Variants in CDH11 observed in about 807,000 individuals in gnomAD.
The protein encoded by CDH11 is cadherin-11.
In CDH11, 11 loss-of-function variants were observed where a neutral mutation model predicts 67.8. The observed-to-expected ratio is 0.16, with a 90% CI of 0.10 to 0.27. The LOEUF is 0.27. Among genes scored for constraint, CDH11 ranks in the 10% least tolerant of loss-of-function variants. The pLI is 1.00. For synonymous variants in CDH11, 419 were observed against 400.0 expected (o/e 1.05, Z -0.57); for missense variants, 847 against 1,031.2 (o/e 0.82, Z 2.45).
intron 1 of CDH11, among the ~76,000 whole-genome samples, chr16:65,074,460 C>T (rs2074473009): frequency 6.6e-6 from 1 of 152,130 alleles, no homozygotes; most frequent in Non-Finnish European, 1.5e-5. Flanking sequence ...GAATGTGATC[C>T]TAGTAGTGCC....
At position 64,945,845 on chromosome 16, in the gene CDH11, G is replaced by A. The variant is rs915578896; in HGVS notation, c.*1758C>T. On this transcript the variant is annotated 3_prime_UTR_variant, in exon 13 of 13. Transcript: ENST00000268603. ...GAAACAAACTTTCACAATAAAGTCA[G>A]AAAAAAACTGTAAAAATTGTCTGCA... 1 of 1,052,806 alleles carries A rather than the reference G, an allele frequency of 9.5e-7. No homozygotes were observed. Among genetic ancestry groups the A allele is most frequent in the South Asian group, 4.6e-5 (1 of 21,888 alleles). The allele number at this position is 1,052,806 out of a possible 1,614,324, so 65.2% of individuals were successfully genotyped here. A position where few individuals can be genotyped will look rare whatever the true frequency, so the allele number is the denominator to read the frequency against.
chr16:65,116,190 T>G (rs1348801760), intron 1 of CDH11, among the ~76,000 whole-genome samples: 1 of 152,202 alleles, frequency 6.6e-6, no homozygotes, highest in Non-Finnish European at 1.5e-5. Context: ...AGGGTAGGTG[T>G]GAAGCAATTT....
At chr16:65,098,698 C>T (rs2074940059) in intron 1 of CDH11, among the ~76,000 whole-genome samples, 1 of 152,142 alleles carries the variant, frequency 6.6e-6, no homozygotes, top group African/African-American at 2.4e-5. Context: ...CCCGTAGCAT[C>T]TCCTATTGGG....
intron 8 of CDH11, among the ~76,000 whole-genome samples, chr16:64,978,371 T>C (rs1040814650): frequency 1.3e-5 from 2 of 152,196 alleles, no homozygotes; most frequent in African/African-American, 4.8e-5. Context: ...TGTGCAGAAA[T>C]TAGAATCTCT....
Position 64,998,680 on chromosome 16 carries a change from G to T in CDH11, c.405C>A (p.Thr135=), listed in dbSNP as rs766587310. The T allele has an allele frequency of 1.2e-6, 2 of 1,613,890 alleles. No individual in the cohort carries two copies. The highest frequency in any genetic ancestry group is 4.5e-5 in the East Asian group (2 of 44,864). ...CCGACGGTGGCTCCAGTGGCCGATT[G>T]GTGTCCCTGTCCACCGCCTGAGCCA... ...TLMAQAVDRD[T]NRPLEPPSEF... The change falls in exon 4 of 13, where the codon ACC becomes ACA. Residue 135 remains threonine (T), a synonymous_variant. Coordinates refer to ENST00000268603, the MANE Select transcript of CDH11 (RefSeq NM_001797.4).
At chr16:65,042,820 T>C (rs2073888697) in intron 2 of CDH11, among the ~76,000 whole-genome samples, 1 of 152,160 alleles carries the variant, frequency 6.6e-6, no homozygotes, top group Non-Finnish European at 1.5e-5. Context: ...GAATCCTCCC[T>C]CTCCAAATCT....
At chr16:65,108,704 CAT>C (rs1274765441) in intron 1 of CDH11, among the ~76,000 whole-genome samples, 1 of 151,656 alleles carries the variant, frequency 6.6e-6, no homozygotes, top group Non-Finnish European at 1.5e-5. Flanking sequence ...AACTTTTAAA[CAT>C]GTGGCTTTAA....
chr16:65,074,838 G>T (rs939711981), intron 1 of CDH11, among the ~76,000 whole-genome samples: 1 of 152,116 alleles, frequency 6.6e-6, no homozygotes, highest in African/African-American at 2.4e-5. Flanking sequence ...TTATTATACA[G>T]AACAATGCAA....
intron 1 of CDH11, among the ~76,000 whole-genome samples, chr16:65,060,354 T>TAG (rs199842037): frequency 0.056 from 8,103 of 144,980 alleles, 329 homozygotes; most frequent in African/African-American, 0.11. Context: ...TATATATATA[T>TAG]AGAGAGAGAG....
chr16:64,965,536 CT>C (rs2071796657), intron 11 of CDH11, among the ~76,000 whole-genome samples: 1 of 152,106 alleles, frequency 6.6e-6, no homozygotes, highest in African/African-American at 2.4e-5. Flanking sequence ...GAGCTGTTGT[CT>C]TCTATGGTAA....
At chr16:65,037,652 C>A (rs1480440178) in intron 2 of CDH11, among the ~76,000 whole-genome samples, 1 of 152,184 alleles carries the variant, frequency 6.6e-6, no homozygotes, top group Non-Finnish European at 1.5e-5. Context: ...ATCAAAGACA[C>A]CTGCTTCTGA....
At chr16:65,006,767 G>A (rs1420537922) in intron 2 of CDH11, 2 of 152,228 alleles carry the variant, frequency 1.3e-5, no homozygotes, top group South Asian at 4.1e-4. Context: ...TTCAACATGT[G>A]TTGTGGGAGG....
chr16:65,121,839 C>T lies in CDH11; in HGVS notation c.-298+41G>A. 1.4e-6 allele frequency: 1 copy of T among 701,890 alleles called. No individual in the cohort carries two copies. The allele number at this position is 701,890 out of a possible 1,614,324, so 43.5% of individuals were successfully genotyped here. ...AAATCCTGCCCCCCATTCCAAGAAG[C>T]CCCAACCAGGCGAGAGGAAGGGACT... On this transcript the variant is annotated intron_variant, in intron 1 of 12. Transcript: ENST00000268603. The surrounding 1 kb of genome is among the most constrained non-coding windows in gnomAD (Gnocchi z 4.1).
chr16:65,110,808 A>G (rs539616712), intron 1 of CDH11, among the ~76,000 whole-genome samples: 1 of 152,234 alleles, frequency 6.6e-6, no homozygotes, highest in African/African-American at 2.4e-5. Context: ...TCCTCCTATA[A>G]AGGTGCTTAT....
chr16:65,107,965 T>A (rs17510891), intron 1 of CDH11, among the ~76,000 whole-genome samples: 19,628 of 152,116 alleles, frequency 0.13, 1,402 homozygotes, highest in East Asian at 0.22. Flanking sequence ...AGGAAGGGAA[T>A]CACAGGGCAG....
chr16:65,038,345 C>T (rs1469413642), intron 2 of CDH11, among the ~76,000 whole-genome samples: 2 of 152,132 alleles, frequency 1.3e-5, no homozygotes, highest in Non-Finnish European at 2.9e-5. Flanking sequence ...AAATCAAATG[C>T]AGCAGTATTT....
At chr16:65,005,504 A>G (rs1214865347) in intron 2 of CDH11, among the ~76,000 whole-genome samples, 3 of 152,178 alleles carry the variant, frequency 2.0e-5, no homozygotes, top group Non-Finnish European at 2.9e-5. Context: ...CAGAAGGAAC[A>G]TCACATCCAA....
intron 1 of CDH11, among the ~76,000 whole-genome samples, chr16:65,092,146 T>C (rs966524310): frequency 6.6e-6 from 1 of 152,144 alleles, no homozygotes; most frequent in Non-Finnish European, 1.5e-5. Context: ...TCATCACTTA[T>C]CTCCATCCTA....
At chr16:64,986,941 C>T (rs1206540236) in intron 7 of CDH11, 1 of 152,202 alleles carries the variant, frequency 6.6e-6, no homozygotes, top group Non-Finnish European at 1.5e-5. Context: ...CAGGACCTGT[C>T]TTCCCCCACT....
Sources: allele counts gnomAD v4.1 joint callset (sites outside exome capture counted in the v4.1 genomes callset), GRCh38; gene constraint gnomAD v4.1.1; non-coding constraint Gnocchi (gnomAD v3.1); transcripts MANE v1.5; gene names NCBI Gene and HGNC (gene_info 2026-07-23, HGNC 2026-07-21).